The following MARCHF6 variants were observed in gnomAD, a reference collection of about 807,000 sequenced individuals.
MARCHF6 encodes the protein membrane associated ring-CH-type finger 6.
Under a neutral mutation model 133.7 loss-of-function variants are expected in MARCHF6, and 31 were observed. The ratio of observed to expected loss-of-function variants is 0.23; its 90% confidence interval spans 0.17 to 0.31. MARCHF6 has a LOEUF of 0.31. MARCHF6 is among the 10% of genes least tolerant of loss of function. The probability of loss-of-function intolerance (pLI) is 1.00; values close to 1 mark genes in which losing one functional copy is unlikely to be tolerated. For synonymous variants in MARCHF6, 395 were observed against 402.5 expected (o/e 0.98, Z 0.22); for missense variants, 723 against 1,121.6 (o/e 0.64, Z 5.08).
At chr5:10,424,094 G>A (rs1257240702) in intron 23 of MARCHF6, among the ~76,000 whole-genome samples, 2 of 151,788 alleles carry the variant, frequency 1.3e-5, no homozygotes, top group Non-Finnish European at 1.5e-5. Flanking sequence ...GTTTATTAAA[G>A]TACATATTTC....
chr5:10,372,761 T>A (rs1163114391), intron 1 of MARCHF6, among the ~76,000 whole-genome samples: 1 of 152,258 alleles, frequency 6.6e-6, no homozygotes, highest in African/African-American at 2.4e-5. Context: ...GAAAGTGGAT[T>A]TGTTTTATAT....
intron 1 of MARCHF6, among the ~76,000 whole-genome samples, chr5:10,358,307 A>G (rs1432472014): frequency 1.3e-5 from 2 of 152,190 alleles, no homozygotes; most frequent in African/African-American, 2.4e-5. Context: ...GGGAGAGAGC[A>G]TGTAGGACTT....
chr5:10,360,407 G>A lies in MARCHF6; in HGVS notation c.19+6490G>A, dbSNP rs140130322. ...ATCTGCCTCAGCCTCCCAAAGTGCT[G>A]GGATTATAGGCGTGAGCCACCGCGC... On this transcript the variant is annotated intron_variant, in intron 1 of 25. Transcript: ENST00000274140. Among the ~76,000 whole-genome samples the A allele has an allele frequency of 5.4e-3, 825 of 152,204 alleles. 6 individuals carry two copies. Among genetic ancestry groups the A allele is most frequent in the African/African-American group, 0.019 (776 of 41,538 alleles).
rs752654046 is a variant in MARCHF6 at position 10,433,616 on chromosome 5, G to A, written c.2665G>A (p.Val889Met). 3.1e-6 allele frequency: 5 copies of A among 1,614,106 alleles called. No homozygotes were observed. The highest frequency in any genetic ancestry group is 1.1e-5 in the South Asian group (1 of 91,086). Residue 889 changes from valine (V) to methionine (M), a missense_variant, in exon 26 of 26, where the codon GTG becomes ATG. By Grantham distance (21) the Val-to-Met change is conservative (BLOSUM62 1). Transcript: ENST00000274140. ...NDKYLVGQRL[V>M]NYERKSGKQG... ...TAGGTACCTTGTGGGTCAACGACTC[G>A]TGAACTACGAACGGAAATCTGGCAA...
At chr5:10,358,040 T>C (rs996050166) in intron 1 of MARCHF6, among the ~76,000 whole-genome samples, 5 of 148,200 alleles carry the variant, frequency 3.4e-5, no homozygotes, top group Non-Finnish European at 7.4e-5. Context: ...CGATCTTGGC[T>C]CACTAGGGGT....
At chr5:10,383,028 T>C (rs1561114334) in intron 4 of MARCHF6, among the ~76,000 whole-genome samples, 2 of 152,104 alleles carry the variant, frequency 1.3e-5, no homozygotes, top group African/African-American at 2.4e-5. Context: ...AGGCAGAGTA[T>C]ATAGATAAGA....
At chr5:10,407,243 C>CT in intron 17 of MARCHF6, 41 bp downstream of exon 17, 2 of 1,051,676 alleles carry the variant, frequency 1.9e-6, no homozygotes, top group Non-Finnish European at 2.9e-6. Flanking sequence ...TAATTTATCT[C>CT]TATTAGGGAT....
intron 23 of MARCHF6, 72 bp from the exon 24 acceptor site, chr5:10,426,318 T>G: frequency 1.1e-5 from 17 of 1,527,532 alleles, no homozygotes; most frequent in East Asian, 2.3e-5. Context: ...TTCAGTTGTG[T>G]GGAGATTGCT....
chr5:10,426,339 G>C (rs770845608), intron 23 of MARCHF6, 51 bp from the exon 24 acceptor site: 2 of 1,592,458 alleles, frequency 1.3e-6, no homozygotes, highest in Non-Finnish European at 1.7e-6. Context: ...GTATTAACTT[G>C]GAGGAATTTG....
rs915770861 is a variant in MARCHF6, at chr5:10,354,120, G to T, written c.19+203G>T. On this transcript the variant is annotated intron_variant, in intron 1 of 25. Transcript: ENST00000274140. ...CGCCGTTTCCCGCCCGCGCCGCCGAGGGGGGCGGGGACCCTGCCGGGCAGG... is the reference window on the plus strand; with the variant it reads ...CGCCGTTTCCCGCCCGCGCCGCCGATGGGGGCGGGGACCCTGCCGGGCAGG... 3.2e-5 allele frequency: 12 copies of T among 377,118 alleles called. 1 individual carries two copies. Among genetic ancestry groups the T allele is most frequent in the Non-Finnish European group, 5.0e-5 (11 of 220,480 alleles). The allele number at this position is 377,118 out of a possible 1,614,324, so 23.4% of individuals were successfully genotyped here.
At chr5:10,417,969 A>T (rs1739614236) in intron 22 of MARCHF6, among the ~76,000 whole-genome samples, 1 of 152,150 alleles carries the variant, frequency 6.6e-6, no homozygotes. Context: ...ATTAATAGTC[A>T]TTGATTTTTG....
chr5:10,416,252 T>C (rs961473833), intron 21 of MARCHF6, among the ~76,000 whole-genome samples: 4 of 152,234 alleles, frequency 2.6e-5, no homozygotes, highest in Non-Finnish European at 5.9e-5. Flanking sequence ...TAATGTTGGC[T>C]GCAACTGGTA....
intron 22 of MARCHF6, chr5:10,421,787 G>A (rs1383083666): frequency 6.6e-6 from 1 of 152,250 alleles, no homozygotes; most frequent in Non-Finnish European, 1.5e-5. Flanking sequence ...CTTTCTTCAT[G>A]TTCCTCAGTA....
At chr5:10,420,892 C>G (rs939583270) in intron 22 of MARCHF6, among the ~76,000 whole-genome samples, 1 of 152,182 alleles carries the variant, frequency 6.6e-6, no homozygotes, top group Non-Finnish European at 1.5e-5. Context: ...ACTCTGCTTT[C>G]TAATAGCATC....
At chr5:10,414,719 A>G (rs1233612496) in intron 20 of MARCHF6, among the ~76,000 whole-genome samples, 1 of 152,210 alleles carries the variant, frequency 6.6e-6, no homozygotes, top group Non-Finnish European at 1.5e-5. Flanking sequence ...TAGGAAGACA[A>G]TCTGTGGAAA....
chr5:10,433,907 C>T lies in MARCHF6; in HGVS notation c.*223C>T. 1 of 522,854 alleles carries T rather than the reference C, an allele frequency of 1.9e-6. No homozygotes were observed. Among genetic ancestry groups the T allele is most frequent in the South Asian group, 2.2e-5 (1 of 45,532 alleles). 32.4% of individuals were successfully genotyped at this position (522,854 alleles called of 1,614,324 possible). ...ATTTGTATATGTGTAAATACAAGTT[C>T]CTTGATACCCTAAAACCTTGGATTA... On this transcript the variant is annotated 3_prime_UTR_variant, in exon 26 of 26. Transcript: ENST00000274140.
chr5:10,390,326 TAATAGGGA>T lies in MARCHF6; in HGVS notation c.408-3_412del. 1.9e-6 allele frequency: 3 copies of T among 1,610,316 alleles called. No individual in the cohort carries two copies. Among genetic ancestry groups the T allele is most frequent in the Admixed American group, 1.7e-5 (1 of 59,350 alleles). ...GAGTAATTATATGTACTTTTTTTTT[TAATAGGGA>T]AAATTTGTTGGCAGATTGTTTGCAG... On this transcript the variant is annotated splice_acceptor_variant and splice_polypyrimidine_tract_variant and coding_sequence_variant and intron_variant, in exon 6 of 26. Coordinates refer to ENST00000274140, the MANE Select transcript of MARCHF6 (RefSeq NM_005885.4). LOFTEE classifies it high-confidence loss of function.
chr5:10,369,319 G>A (rs1166357835), intron 1 of MARCHF6, among the ~76,000 whole-genome samples: 1 of 152,102 alleles, frequency 6.6e-6, no homozygotes, highest in African/African-American at 2.4e-5. Context: ...GTTTCTACCT[G>A]GTTGGATGAA....
intron 1 of MARCHF6, chr5:10,354,652 C>T (rs985468143): frequency 6.6e-6 from 1 of 152,210 alleles, no homozygotes; most frequent in Admixed American, 6.5e-5. Flanking sequence ...TCTTCAAACG[C>T]ATTTTCTTAC....
Sources: allele counts gnomAD v4.1 joint callset (sites outside exome capture counted in the v4.1 genomes callset), GRCh38; gene constraint gnomAD v4.1.1; transcripts MANE v1.5; gene names NCBI Gene and HGNC (gene_info 2026-07-23, HGNC 2026-07-21).